ACTL6A: variants seen among roughly 807,000 people sequenced by gnomAD.
The protein encoded by ACTL6A is actin like 6A.
Under a neutral mutation model 59.2 loss-of-function variants are expected in ACTL6A, and 5 were observed. The ratio of observed to expected loss-of-function variants is 0.08; its 90% CI spans 0.04 to 0.18. ACTL6A has a LOEUF of 0.18. ACTL6A is among the 10% of genes least tolerant of loss of function. The probability of loss-of-function intolerance (pLI) is 1.00; values close to 1 mark genes in which losing one functional copy is unlikely to be tolerated. For synonymous variants in ACTL6A, 154 were observed against 171.8 expected (o/e 0.90, Z 0.81); for missense variants, 285 against 526.9 (o/e 0.54, Z 4.49).
chr3:179,583,318 G>A (rs1718389462), intron 11 of ACTL6A, 35 bp from the exon 12 acceptor site: 7 of 1,509,110 alleles, frequency 4.6e-6, no homozygotes, highest in Non-Finnish European at 5.5e-6. Flanking sequence ...GGAAACATAT[G>A]GAACTAATTG....
At position 179,583,275 on chromosome 3, in the gene ACTL6A, A is replaced by G. The variant is rs183965398; in HGVS notation, c.1027-78A>G. On this transcript the variant is annotated intron_variant, in intron 11 of 13. Transcript: ENST00000429709. ...CGAAAGGGAAATTGTAGTAGAGCAC[A>G]TGGTTATATTTGTAGTTGTATTTAA... 76 of 1,118,396 alleles carry G rather than the reference A, an allele frequency of 6.8e-5. No individual in the cohort carries two copies. The East Asian group carries it at 1.7e-3, about 25-fold the overall frequency. The allele number at this position is 1,118,396 out of a possible 1,614,324, so 69.3% of individuals were successfully genotyped here. A position where few individuals can be genotyped will look rare whatever the true frequency, so the allele number is the denominator to read the frequency against.
At position 179,588,215 on chromosome 3, in the gene ACTL6A, T is replaced by G. The variant is rs1223852745; in HGVS notation, c.*205T>G. On this transcript the variant is annotated 3_prime_UTR_variant, in exon 14 of 14. Transcript: ENST00000429709. ...AATGCACTTATTCTTATTACAAGCATTTTATAATTTTGTATAAATGTCTAT... is the reference window on the plus strand; with the variant it reads ...AATGCACTTATTCTTATTACAAGCAGTTTATAATTTTGTATAAATGTCTAT... 10 of 432,968 alleles carry G rather than the reference T, an allele frequency of 2.3e-5. No individual in the cohort carries two copies. The highest frequency in any genetic ancestry group is 1.7e-4 in the Admixed American group (4 of 23,480). The allele number at this position is 432,968 out of a possible 1,614,324, so 26.8% of individuals were successfully genotyped here.
At chr3:179,564,339 C>T (rs144848398) in intron 1 of ACTL6A, among the ~76,000 whole-genome samples, 1 of 152,204 alleles carries the variant, frequency 6.6e-6, no homozygotes, top group East Asian at 1.9e-4. Context: ...CCTTCATGTT[C>T]CCCAAGAAAA....
Position 179,576,590 on chromosome 3 carries a change from C to T in ACTL6A, c.572-30C>T, listed in dbSNP as rs188349278. On this transcript the variant is annotated intron_variant, in intron 6 of 13. Transcript: ENST00000429709. ...GTTCAAGGAAGTTTGGACTTACTGC[C>T]CTCTTAGCCTTGTTTCATCTGTTTC... The T allele has an allele frequency of 4.3e-5, 67 of 1,544,214 alleles. No individual in the cohort carries two copies. The East Asian group carries it at 1.3e-3, about 31-fold the overall frequency.
At chr3:179,571,146 G>C (rs1446439158) in intron 3 of ACTL6A, among the ~76,000 whole-genome samples, 1 of 152,166 alleles carries the variant, frequency 6.6e-6, no homozygotes, top group Admixed American at 6.5e-5. Context: ...GCCATGCGTG[G>C]TGGCTCGCGC....
intron 12 of ACTL6A, among the ~76,000 whole-genome samples, chr3:179,585,984 A>G (rs1416469448): frequency 1.3e-5 from 2 of 152,212 alleles, no homozygotes; most frequent in Non-Finnish European, 2.9e-5. Context: ...GAAAGGAAGC[A>G]GTTAGAAGGT....
rs755872396 is a variant in ACTL6A at position 179,574,484 on chromosome 3, A to C, written c.476+17A>C. On this transcript the variant is annotated intron_variant, in intron 5 of 13. Transcript: ENST00000429709. ...TTTGACAGCGTATCCTTGAAAGAGT[A>C]ATACCTTTCCTCTTGAAGTATGTAC... 3 of 1,494,394 alleles carry C rather than the reference A, an allele frequency of 2.0e-6. No homozygotes were observed. The highest frequency in any genetic ancestry group is 2.8e-6 in the Non-Finnish European group (3 of 1,071,514). 92.6% of individuals were successfully genotyped at this position (1,494,394 alleles called of 1,614,324 possible).
At chr3:179,565,412 AC>A (rs1187273983) in intron 1 of ACTL6A, among the ~76,000 whole-genome samples, 2 of 128,982 alleles carry the variant, frequency 1.6e-5, no homozygotes. Flanking sequence ...CCTAAAAAAA[AC>A]AAAAACAAAC....
chr3:179,581,693 G>A (rs1398244358), intron 11 of ACTL6A, among the ~76,000 whole-genome samples: 3 of 152,142 alleles, frequency 2.0e-5, no homozygotes, highest in East Asian at 3.8e-4. Flanking sequence ...AATTATATGA[G>A]TAACTTTTAC....
chr3:179,567,794 G>A (rs1717880821), intron 1 of ACTL6A, among the ~76,000 whole-genome samples: 1 of 152,048 alleles, frequency 6.6e-6, no homozygotes, highest in Non-Finnish European at 1.5e-5. Context: ...AATTTCACAG[G>A]GAAGGGTTAA....
chr3:179,563,528 C>G (rs922130993), intron 1 of ACTL6A, among the ~76,000 whole-genome samples: 4 of 152,220 alleles, frequency 2.6e-5, no homozygotes, highest in Admixed American at 6.5e-5. Context: ...CCCGCCTAAA[C>G]TTGGAAGGTC....
chr3:179,587,305 A>T (rs1718530067), intron 13 of ACTL6A, among the ~76,000 whole-genome samples: 1 of 152,154 alleles, frequency 6.6e-6, no homozygotes, highest in African/African-American at 2.4e-5. Context: ...AGTAAATGTC[A>T]TTAAGTACTC....
At chr3:179,584,952 C>T (rs895848179) in intron 12 of ACTL6A, among the ~76,000 whole-genome samples, 9 of 152,130 alleles carry the variant, frequency 5.9e-5, no homozygotes, top group African/African-American at 9.7e-5. Flanking sequence ...TAATGTTTTA[C>T]GTGTGCCACA....
chr3:179,585,836 A>C (rs1028030476), intron 12 of ACTL6A, among the ~76,000 whole-genome samples: 1 of 152,188 alleles, frequency 6.6e-6, no homozygotes, highest in Admixed American at 6.5e-5. Context: ...TTATCAAGAG[A>C]AAATGAGAGT....
rs1717951494 is a variant in ACTL6A at position 179,569,899 on chromosome 3, A to G, written c.101A>G (p.Lys34Arg). 6.2e-7 allele frequency: 1 copy of G among 1,613,738 alleles called. No individual in the cohort carries two copies. Among genetic ancestry groups the G allele is most frequent in the Admixed American group, 1.7e-5 (1 of 59,992 alleles). ...GGTTATGCTGGTGAGGACTGCCCCA[A>G]GGTAAGTGTAATGTTAGAGTTAATT... ...RAGYAGEDCP[K>R]VDFPTAIGMV... The change falls in exon 2 of 14, where the codon AAG (lysine) becomes AGG (arginine). Residue 34 changes from lysine (K) to arginine (R), a missense_variant and splice_region_variant. Lys to Arg is a conservative substitution (Grantham distance 26). Coordinates refer to ENST00000429709, the MANE Select transcript of ACTL6A (RefSeq NM_004301.5).
chr3:179,571,696 G>A (rs1718013671), intron 3 of ACTL6A, among the ~76,000 whole-genome samples: 1 of 152,196 alleles, frequency 6.6e-6, no homozygotes, highest in African/African-American at 2.4e-5. Context: ...TATGATCTGT[G>A]TTACCTTCCA....
intron 6 of ACTL6A, 33 bp downstream of exon 6, chr3:179,576,344 A>G: frequency 1.4e-6 from 2 of 1,460,720 alleles, no homozygotes; most frequent in Non-Finnish European, 1.9e-6. Context: ...CACTGAGATG[A>G]TTTTAGATGC....
chr3:179,565,678 A>T (rs138777193), intron 1 of ACTL6A, among the ~76,000 whole-genome samples: 1 of 152,056 alleles, frequency 6.6e-6, no homozygotes. Flanking sequence ...AGGAGATGAC[A>T]TATTACCCAG....
chr3:179,565,448 TTATA>T (rs1560008755), intron 1 of ACTL6A, among the ~76,000 whole-genome samples: 2 of 149,382 alleles, frequency 1.3e-5, no homozygotes, highest in Non-Finnish European at 3.0e-5. Context: ...GTTATATATG[TTATA>T]TATATTACAT....
Sources: gnomAD v4.1 joint callset for allele counts (sites outside exome capture counted in the v4.1 genomes callset) on GRCh38, gnomAD v4.1.1 for gene constraint, MANE v1.5 for transcripts, NCBI Gene and HGNC (gene_info 2026-07-23, HGNC 2026-07-21) for gene names.